Variants in ZFR2 observed in about 807,000 individuals in gnomAD.
The protein encoded by ZFR2 is zinc finger RNA-binding protein 2.
In ZFR2, 104 loss-of-function variants were observed where a neutral mutation model predicts 105.7. The observed-to-expected ratio is 0.98, with a 90% CI of 0.84 to 1.16. The LOEUF is 1.16. Among genes scored for constraint, ZFR2 ranks in the 50% most tolerant of loss-of-function variants. The probability of loss-of-function intolerance (pLI) is 0.00; values close to 1 mark genes in which losing one functional copy is unlikely to be tolerated. For synonymous variants in ZFR2, 634 were observed against 597.7 expected, an observed-to-expected ratio of 1.06 and a Z score of -0.89; for missense variants, 1,425 against 1,355.5, an observed-to-expected ratio of 1.05 and a Z score of -0.80.
chr19:3,864,841 G>C (rs1008741567), intron 1 of ZFR2, among the ~76,000 whole-genome samples: 3 of 151,926 alleles, frequency 2.0e-5, no homozygotes, highest in Non-Finnish European at 4.4e-5. Flanking sequence ...TCCACCTCCC[G>C]GGTTCAAGCA....
rs200110827 is a variant in ZFR2 at position 3,817,600 on chromosome 19, AATAATAATT to A, written c.1932-764_1932-756del. Among the ~76,000 whole-genome samples the A allele has an allele frequency of 9.2e-3, 1,309 of 141,946 alleles. 21 individuals carry two copies. Among genetic ancestry groups the A allele is most frequent in the African/African-American group, 0.03 (1,170 of 38,376 alleles). The allele number at this position is 141,946 out of a possible 152,430, so 93.1% of individuals were successfully genotyped here. A position where few individuals can be genotyped will look rare whatever the true frequency, so the allele number is the denominator to read the frequency against. On this transcript the variant is annotated intron_variant, in intron 12 of 18. Coordinates refer to ENST00000262961, the MANE Select transcript of ZFR2 (RefSeq NM_015174.2). ...TAATAATAATAATAATAATAATAAT[AATAATAATT>A]AGCTGGGTGTGGTGGTACATTCCTG...
chr19:3,821,405 C>T lies in ZFR2; in HGVS notation c.1566G>A (p.Met522Ile), dbSNP rs1242227201. The change falls in exon 10 of 19, where the codon ATG becomes ATA. Residue 522 changes from methionine to isoleucine, a missense_variant. Met to Ile is a conservative substitution (Grantham distance 10). Transcript: ENST00000262961. ...CCTCCGCCAGGTGCCGCTGCTTCCT[C>T]ATGCGCTCCTCCAGGACCTTCCGAG... is the stretch of plus-strand genomic sequence containing the variant. Reference protein sequence around the residue: ...SRARKVLEERMRKQRHLAEER... With the variant: ...SRARKVLEERIRKQRHLAEER... The T allele has an allele frequency of 1.2e-6, 2 of 1,611,952 alleles. No homozygotes were observed. Among genetic ancestry groups the T allele is most frequent in the East Asian group, 4.5e-5 (2 of 44,856 alleles).
chr19:3,809,084 T>A lies in ZFR2; in HGVS notation c.2434-101A>T, dbSNP rs2037734701. On this transcript the variant is annotated intron_variant, in intron 16 of 18. Coordinates refer to ENST00000262961, the MANE Select transcript of ZFR2 (RefSeq NM_015174.2). The stretch of plus-strand genomic sequence containing the variant: ...CCTGGGACAGGAGGCCCCCCTCAGC[T>A]CTTTCTCTAACTCCCACCACCCACT... 3.5e-6 allele frequency: 3 copies of A among 868,948 alleles called. No homozygotes were observed. The South Asian group carries it at 6.0e-5, about 17-fold the overall frequency. 53.8% of individuals were successfully genotyped at this position (868,948 alleles called of 1,614,324 possible). A position where few individuals can be genotyped will look rare whatever the true frequency, so the allele number is the denominator to read the frequency against.
At chr19:3,829,509 TG>T (rs2037989119) in intron 5 of ZFR2, among the ~76,000 whole-genome samples, 1 of 151,504 alleles carries the variant, frequency 6.6e-6, no homozygotes, top group African/African-American at 2.4e-5. Flanking sequence ...TGTTGGTTTT[TG>T]GGGGGTTTTG....
At chr19:3,836,945 C>A (rs2038080958) in intron 1 of ZFR2, among the ~76,000 whole-genome samples, 1 of 152,200 alleles carries the variant, frequency 6.6e-6, no homozygotes, top group Non-Finnish European at 1.5e-5. Context: ...GAACCTCCAA[C>A]CCCATAGGGG....
At chr19:3,819,595 T>TTTA (rs940277547) in intron 11 of ZFR2, among the ~76,000 whole-genome samples, 7 of 152,170 alleles carry the variant, frequency 4.6e-5, no homozygotes, top group African/African-American at 1.7e-4. Flanking sequence ...GGCTCACGCC[T>TTTA]GTAATCCCAG....
chr19:3,818,249 T>G lies in ZFR2; in HGVS notation c.1931+796A>C, dbSNP rs1392230292. Among the ~76,000 whole-genome samples, 3 of 152,214 alleles carry G rather than the reference T, an allele frequency of 2.0e-5. No homozygotes were observed. In the East Asian group the frequency reaches 5.8e-4, roughly 29 times the overall value. ...GGGAGGCCGAGGTGGGAGGATCGCT[T>G]GAGCCCGGGAGTTCAAGACCAGCCT... On this transcript the variant is annotated intron_variant, in intron 12 of 18. Coordinates refer to ENST00000262961, the MANE Select transcript of ZFR2 (RefSeq NM_015174.2).
At chr19:3,849,060 T>G (rs1455156714) in intron 1 of ZFR2, among the ~76,000 whole-genome samples, 1 of 152,148 alleles carries the variant, frequency 6.6e-6, no homozygotes, top group Admixed American at 6.5e-5. Flanking sequence ...CAGTACTAGA[T>G]AGTAAATCGT....
intron 1 of ZFR2, among the ~76,000 whole-genome samples, chr19:3,854,716 G>A (rs2038278442): frequency 6.6e-6 from 1 of 152,262 alleles, no homozygotes; most frequent in Admixed American, 6.5e-5. Flanking sequence ...TTCTTGCAGA[G>A]AAAAAGAGTT....
At chr19:3,809,462 G>C (rs997877117) in intron 16 of ZFR2, among the ~76,000 whole-genome samples, 1 of 152,178 alleles carries the variant, frequency 6.6e-6, no homozygotes, top group Non-Finnish European at 1.5e-5. Context: ...CAGTTCCCGA[G>C]GGCACGAGGG....
At position 3,834,055 on chromosome 19, in the gene ZFR2, G is replaced by A. The variant is rs1212670415; in HGVS notation, c.265-277C>T. Among the ~76,000 whole-genome samples the A allele has an allele frequency of 6.6e-6, 1 of 152,192 alleles. No homozygotes were observed. Among genetic ancestry groups the A allele is most frequent in the Non-Finnish European group, 1.5e-5 (1 of 68,026 alleles). ...TACAAGAGGACGCTTGGTGCGGCAG[G>A]AGAGGGCGGGTTTGCAGGGAGAAGC... On this transcript the variant is annotated intron_variant, in intron 2 of 18. Transcript: ENST00000262961. This position sits in a 1 kb window ranked among gnomAD's most constrained non-coding sequence, Gnocchi z 5.3.
chr19:3,812,802 G>A (rs1055172101), intron 14 of ZFR2, among the ~76,000 whole-genome samples: 5 of 152,266 alleles, frequency 3.3e-5, no homozygotes, highest in African/African-American at 4.8e-5. Context: ...AATTGGGCCA[G>A]GCATGGTGGC....
At chr19:3,829,659 C>T (rs2037990270) in intron 5 of ZFR2, among the ~76,000 whole-genome samples, 1 of 152,082 alleles carries the variant, frequency 6.6e-6, no homozygotes, top group Non-Finnish European at 1.5e-5. Flanking sequence ...ACTATAGGTG[C>T]GTACCACCAT....
chr19:3,822,764 C>A (rs1275307519), intron 8 of ZFR2, among the ~76,000 whole-genome samples: 2 of 152,150 alleles, frequency 1.3e-5, no homozygotes, highest in African/African-American at 2.4e-5. Context: ...CCCAGCCCTG[C>A]CTCTTTGGCA....
Position 3,831,777 on chromosome 19 carries a change from T to G in ZFR2, c.481A>C (p.Thr161Pro), listed in dbSNP as rs1167202828. 5.6e-6 allele frequency: 9 copies of G among 1,610,376 alleles called. 1 individual carries two copies. In the Middle Eastern group the frequency reaches 9.4e-4, roughly 168 times the overall value. ...GGGTAGGTGTATCCCGAGGACAAGG[T>G]GCTCGCTGGCTGTCCGGACTCCACT... ...PIVESGQPAS[T>P]LSSGYTYPTA... Residue 161 changes from threonine to proline, a missense_variant, in exon 4 of 19, where the codon ACC becomes CCC. Transcript: ENST00000262961.
At position 3,820,204 on chromosome 19, in the gene ZFR2, G is replaced by A. The variant is rs1402902088; in HGVS notation, c.1718C>T (p.Ser573Leu). The A allele has an allele frequency of 1.3e-6, 2 of 1,552,320 alleles. No homozygotes were observed. The highest frequency in any genetic ancestry group is 1.7e-6 in the Non-Finnish European group (2 of 1,147,784). The change falls in exon 11 of 19, where the codon TCA becomes TTA. Residue 573 changes from serine to leucine, a missense_variant. Coordinates refer to ENST00000262961, the MANE Select transcript of ZFR2 (RefSeq NM_015174.2). ...AQPLLMGRPE[S>L]PASAPLQPGR... ...TACCTGGAGTGGGGCGCTGGCGGGTGACTCCGGCCTGCCCATGAGCAGAGG... is the reference window on the plus strand; with the variant it reads ...TACCTGGAGTGGGGCGCTGGCGGGTAACTCCGGCCTGCCCATGAGCAGAGG...
intron 1 of ZFR2, among the ~76,000 whole-genome samples, chr19:3,842,371 T>C (rs1177682617): frequency 6.6e-6 from 1 of 152,102 alleles, no homozygotes; most frequent in East Asian, 1.9e-4. Context: ...ACATTGATGT[T>C]TGGAAAATGT....
chr19:3,817,068 G>A (rs989309334), intron 12 of ZFR2, among the ~76,000 whole-genome samples: 2 of 152,192 alleles, frequency 1.3e-5, no homozygotes, highest in Admixed American at 6.5e-5. Flanking sequence ...GGCATGCCTC[G>A]GAGTAGCCGG....
intron 1 of ZFR2, among the ~76,000 whole-genome samples, chr19:3,848,897 G>A (rs2038208272): frequency 6.6e-6 from 1 of 151,422 alleles, no homozygotes; most frequent in South Asian, 2.1e-4. Flanking sequence ...AGGAGGCTGA[G>A]GCAGGAGAAT....
Sources: allele counts gnomAD v4.1 joint callset (sites outside exome capture counted in the v4.1 genomes callset), GRCh38; gene constraint gnomAD v4.1.1; non-coding constraint Gnocchi (gnomAD v3.1); transcripts MANE v1.5; gene names NCBI Gene and HGNC (gene_info 2026-07-23, HGNC 2026-07-21).